Variants in WRN observed in about 807,000 individuals in gnomAD.
WRN encodes WRN RecQ like helicase.
WRN carries 149 observed loss-of-function variants against 180.7 expected under a neutral mutation model. That is an observed-to-expected ratio of 0.82 (90% confidence interval 0.72 to 0.94). WRN has a LOEUF of 0.94. WRN is among the 40% of genes least tolerant of loss of function. The pLI, the probability that WRN is intolerant of heterozygous loss-of-function variation, is 0.00. For synonymous variants in WRN, 548 were observed against 568.9 expected, an observed-to-expected ratio of 0.96 and a Z score of 0.52; for missense variants, 1,661 against 1,700.1, an observed-to-expected ratio of 0.98 and a Z score of 0.40.
rs1804210307 is a variant in WRN at position 31,174,595 on chromosome 8, G to A, written c.*1493G>A. Among the ~76,000 whole-genome samples the A allele has an allele frequency of 6.6e-6, 1 of 152,154 alleles. No individual in the cohort carries two copies. Among genetic ancestry groups the A allele is most frequent in the African/African-American group, 2.4e-5 (1 of 41,438 alleles). ...TAGCAAAATGTATAATTTTGGAAAAGTTGTGTTCCTCCACTGGAAGCTTGA... is the reference window on the plus strand; with the variant it reads ...TAGCAAAATGTATAATTTTGGAAAAATTGTGTTCCTCCACTGGAAGCTTGA... On this transcript the variant is annotated 3_prime_UTR_variant, in exon 35 of 35. Coordinates refer to ENST00000298139, the MANE Select transcript of WRN (RefSeq NM_000553.6).
At chr8:31,040,562 C>T (rs1456401920) in intron 1 of WRN, among the ~76,000 whole-genome samples, 1 of 152,174 alleles carries the variant, frequency 6.6e-6, no homozygotes, top group Non-Finnish European at 1.5e-5. Flanking sequence ...TAAAATGTTT[C>T]AAGAAGATGG....
chr8:31,145,491 T>C (rs1469852096), intron 28 of WRN, among the ~76,000 whole-genome samples: 5 of 152,162 alleles, frequency 3.3e-5, no homozygotes, highest in Non-Finnish European at 7.3e-5. Context: ...AAAGATTCCT[T>C]TCAAAATGTT....
chr8:31,112,097 G>A (rs374988727), intron 19 of WRN, among the ~76,000 whole-genome samples: 5 of 152,042 alleles, frequency 3.3e-5, no homozygotes, highest in African/African-American at 1.2e-4. Context: ...TATTTATAGA[G>A]ACAGGGTCTC....
chr8:31,104,026 G>C (rs535423029), intron 18 of WRN, among the ~76,000 whole-genome samples: 1 of 152,224 alleles, frequency 6.6e-6, no homozygotes, highest in Non-Finnish European at 1.5e-5. Flanking sequence ...GAGCCACTGC[G>C]CCCGGCCTTC....
intron 20 of WRN, chr8:31,119,909 T>C: frequency 3.3e-6 from 1 of 298,508 alleles, no homozygotes; most frequent in South Asian, 3.5e-5. Context: ...TGCAATCAGG[T>C]AAGGACGCTT....
intron 23 of WRN, among the ~76,000 whole-genome samples, chr8:31,126,575 A>G (rs1406979125): frequency 6.6e-6 from 1 of 152,240 alleles, no homozygotes; most frequent in African/African-American, 2.4e-5. Flanking sequence ...CATCTTAAGC[A>G]ACAAGCAAAT....
In WRN at chr8:31,132,750, A is replaced by G. The variant is rs11574334; in HGVS notation, c.2967+244A>G. On this transcript the variant is annotated intron_variant, in intron 24 of 34. Coordinates refer to ENST00000298139, the MANE Select transcript of WRN (RefSeq NM_000553.6). ...CAGCTCTGCAGCTCAGTCTGGAAGC[A>G]TTGTGTTAATTTATCACATTGCATT... is the stretch of plus-strand genomic sequence containing the variant. Among the ~76,000 whole-genome samples the G allele has an allele frequency of 0.013, 1,930 of 152,324 alleles. 42 individuals carry two copies. The highest frequency in any genetic ancestry group is 0.044 in the African/African-American group (1,821 of 41,566).
At chr8:31,082,308 AGAGTT>A (rs1813348586) in intron 9 of WRN, among the ~76,000 whole-genome samples, 1 of 152,216 alleles carries the variant, frequency 6.6e-6, no homozygotes, top group Admixed American at 6.5e-5. Flanking sequence ...CCATTTAATT[AGAGTT>A]ATTTCCCCAT....
intron 30 of WRN, among the ~76,000 whole-genome samples, chr8:31,148,776 T>C (rs191048838): frequency 4.3e-4 from 65 of 152,338 alleles, no homozygotes; most frequent in Admixed American, 3.5e-3. Context: ...TACCACACAA[T>C]GCTATATTTT....
chr8:31,111,892 A>T, intron 19 of WRN, 93 bp downstream of exon 19: 1 of 1,434,246 alleles, frequency 7.0e-7, no homozygotes, highest in Admixed American at 2.0e-5. Context: ...ATTTCCTTCT[A>T]ATGCATATTT....
chr8:31,078,038 A>G (rs573278465), intron 8 of WRN, among the ~76,000 whole-genome samples: 80 of 152,296 alleles, frequency 5.3e-4, no homozygotes, highest in African/African-American at 1.9e-3. Flanking sequence ...GTTTTAGGTT[A>G]CAATAGGCAG....
intron 1 of WRN, among the ~76,000 whole-genome samples, chr8:31,052,067 G>T (rs1432004754): frequency 6.6e-6 from 1 of 152,170 alleles, no homozygotes; most frequent in East Asian, 1.9e-4. Flanking sequence ...GAGTAGTTTT[G>T]ACAAAGATCA....
At chr8:31,115,193 C>T (rs1457591225) in intron 19 of WRN, among the ~76,000 whole-genome samples, 1 of 152,026 alleles carries the variant, frequency 6.6e-6, no homozygotes, top group Non-Finnish European at 1.5e-5. Context: ...ACTGTGCTGG[C>T]CTTAAAATAA....
At chr8:31,159,175 C>A (rs1012330370) in intron 33 of WRN, among the ~76,000 whole-genome samples, 2 of 151,978 alleles carry the variant, frequency 1.3e-5, no homozygotes, top group Non-Finnish European at 2.9e-5. Flanking sequence ...TGGCATATAC[C>A]TATAGTCTCA....
chr8:31,080,476 A>T (rs1813257547), intron 8 of WRN, among the ~76,000 whole-genome samples: 1 of 151,480 alleles, frequency 6.6e-6, no homozygotes, highest in African/African-American at 2.4e-5. Context: ...CAAAAAACAA[A>T]TTTACAAAAT....
chr8:31,062,037 A>C lies in WRN; in HGVS notation c.210-2252A>C, dbSNP rs116697744. Among the ~76,000 whole-genome samples the C allele has an allele frequency of 6.7e-3, 1,020 of 152,240 alleles. 17 individuals carry two copies. The highest frequency in any genetic ancestry group is 0.023 in the African/African-American group (949 of 41,554). On this transcript the variant is annotated intron_variant, in intron 3 of 34. Transcript: ENST00000298139. ...GCTCTGAACTCTGTCTCCCCAACTC[A>C]GTGCTCTCCTTGGGATTCTTCTCCC...
intron 18 of WRN, among the ~76,000 whole-genome samples, chr8:31,101,953 G>A (rs964867913): frequency 2.6e-5 from 4 of 151,140 alleles, no homozygotes; most frequent in African/African-American, 7.3e-5. Flanking sequence ...TACCTATATA[G>A]AGGTCCTATG....
chr8:31,119,701 A>T (rs542885241), intron 20 of WRN, among the ~76,000 whole-genome samples: 48 of 151,948 alleles, frequency 3.2e-4, no homozygotes, highest in Middle Eastern at 3.4e-3. Flanking sequence ...CTAAAAAAAA[A>T]TTTTCTATGT....
intron 1 of WRN, among the ~76,000 whole-genome samples, chr8:31,044,966 A>C (rs950719330): frequency 6.6e-6 from 1 of 152,310 alleles, no homozygotes; most frequent in Middle Eastern, 3.4e-3. Flanking sequence ...GCAGATTTAA[A>C]ATTTTGATGC....
Sources: allele counts gnomAD v4.1 joint callset (sites outside exome capture counted in the v4.1 genomes callset), GRCh38; gene constraint gnomAD v4.1.1; transcripts MANE v1.5; gene names NCBI Gene and HGNC (gene_info 2026-07-23, HGNC 2026-07-21).